Variants in KCNU1 observed in about 807,000 individuals in gnomAD.
KCNU1 encodes potassium calcium-activated channel subfamily U member 1, also known as potassium channel subfamily U member 1.
KCNU1 carries 93 observed loss-of-function variants against 126.8 expected under a neutral mutation model. That is an observed-to-expected ratio of 0.73 (90% CI 0.62 to 0.87). The LOEUF (loss-of-function observed/expected upper bound fraction) is 0.87, where lower values mean the gene tolerates loss of function less well. Ranked by LOEUF, KCNU1 falls within the 40% of genes least tolerant of loss-of-function variation. The pLI, the probability that KCNU1 is intolerant of heterozygous loss-of-function variation, is 0.00. For synonymous variants in KCNU1, 523 were observed against 494.2 expected (o/e 1.06, Z -0.77); for missense variants, 1,330 against 1,367.1 (o/e 0.97, Z 0.43).
intron 16 of KCNU1, among the ~76,000 whole-genome samples, chr8:36,841,772 T>G (rs1804965995): frequency 6.6e-6 from 1 of 152,042 alleles, no homozygotes; most frequent in African/African-American, 2.4e-5. Context: ...GACAAAGGCT[T>G]TTGTTGATAG....
chr8:36,830,245 A>G (rs1319971800), intron 10 of KCNU1, among the ~76,000 whole-genome samples: 6 of 151,586 alleles, frequency 4.0e-5, no homozygotes, highest in African/African-American at 1.2e-4. Flanking sequence ...GAGACATCAA[A>G]TATAACGTTG....
intron 24 of KCNU1, among the ~76,000 whole-genome samples, chr8:36,923,979 T>A (rs72634162): frequency 6.6e-6 from 1 of 152,194 alleles, no homozygotes; most frequent in East Asian, 1.9e-4. Flanking sequence ...GAACTAATAG[T>A]TGACAGGAGG....
At chr8:36,890,488 T>C (rs1806917003) in intron 19 of KCNU1, among the ~76,000 whole-genome samples, 1 of 151,808 alleles carries the variant, frequency 6.6e-6, no homozygotes, top group South Asian at 2.1e-4. Flanking sequence ...TGAGGTCAAC[T>C]CCTAATTTAA....
intron 2 of KCNU1, among the ~76,000 whole-genome samples, chr8:36,802,886 G>A (rs1585390909): frequency 6.6e-6 from 1 of 152,196 alleles, no homozygotes; most frequent in Non-Finnish European, 1.5e-5. Context: ...CTGATGAACA[G>A]AAGAGTACTT....
rs756308750 is a variant in KCNU1, at chr8:36,841,034, GTTTTTTTTTTT to G, written c.1703+43_1703+53del. ...AATAAGTCTGCTCATCTCTTCAGTT[GTTTTTTTTTTT>G]TTTTTTTTTTTCCTGGAGATTCTTT... On this transcript the variant is annotated intron_variant, in intron 16 of 26. Coordinates refer to ENST00000399881, the MANE Select transcript of KCNU1 (RefSeq NM_001031836.3). 133 of 564,672 alleles carry G rather than the reference GTTTTTTTTTTT, an allele frequency of 2.4e-4. 1 individual carries two copies. In the East Asian group the frequency reaches 4.6e-3, roughly 20 times the overall value. 35.0% of individuals were successfully genotyped at this position (564,672 alleles called of 1,614,324 possible).
At chr8:36,888,288 A>G (rs1001870017) in intron 19 of KCNU1, among the ~76,000 whole-genome samples, 1 of 152,188 alleles carries the variant, frequency 6.6e-6, no homozygotes, top group Non-Finnish European at 1.5e-5. Flanking sequence ...AGGAAATACT[A>G]GAAATCAAAA....
intron 2 of KCNU1, among the ~76,000 whole-genome samples, chr8:36,793,267 T>G (rs1291575985): frequency 6.6e-6 from 1 of 151,702 alleles, no homozygotes; most frequent in Non-Finnish European, 1.5e-5. Context: ...GATGAGTTAA[T>G]GGGTACCACA....
rs749603721 is a variant in KCNU1 at position 36,805,303 on chromosome 8, G to T, written c.468+18G>T. On this transcript the variant is annotated intron_variant, in intron 4 of 26. Coordinates refer to ENST00000399881, the MANE Select transcript of KCNU1 (RefSeq NM_001031836.3). ...GATTGAGGGTAAGTACCTATTGAAA[G>T]TGGGAGTGAATATCCAAACACCACA... The T allele has an allele frequency of 8.9e-6, 13 of 1,459,054 alleles. No homozygotes were observed. The highest frequency in any genetic ancestry group is 1.0e-5 in the Non-Finnish European group (11 of 1,051,142). 90.4% of individuals were successfully genotyped at this position (1,459,054 alleles called of 1,614,324 possible). A position where few individuals can be genotyped will look rare whatever the true frequency, so the allele number is the denominator to read the frequency against.
chr8:36,804,468 G>A (rs1803426888), intron 3 of KCNU1, among the ~76,000 whole-genome samples: 1 of 152,126 alleles, frequency 6.6e-6, no homozygotes. Flanking sequence ...GTAGTTTCAG[G>A]GTTTCTCATA....
chr8:36,919,318 G>A (rs1394195996), intron 23 of KCNU1, among the ~76,000 whole-genome samples: 1 of 151,426 alleles, frequency 6.6e-6, no homozygotes, highest in African/African-American at 2.4e-5. Flanking sequence ...AGGCATGTGG[G>A]GTACAGACTT....
intron 18 of KCNU1, among the ~76,000 whole-genome samples, chr8:36,848,254 G>A (rs12334519): frequency 0.04 from 6,090 of 152,184 alleles, 238 homozygotes; most frequent in African/African-American, 0.099. Flanking sequence ...TGTCTCTTCC[G>A]TCTGTTGATT....
Position 36,935,511 on chromosome 8 carries a change from A to C in KCNU1, c.3045-4A>C. On this transcript the variant is annotated splice_polypyrimidine_tract_variant and splice_region_variant and intron_variant, in intron 26 of 26. Transcript: ENST00000399881. Reference sequence around the variant, plus strand: ...TCAGCATTTATCTTTGACTTGTCTTACAGGTTTGTGATCACCCGGCCAGCC... The same window carrying C: ...TCAGCATTTATCTTTGACTTGTCTTCCAGGTTTGTGATCACCCGGCCAGCC... The C allele has an allele frequency of 6.3e-7, 1 of 1,582,916 alleles. No individual in the cohort carries two copies.
At chr8:36,805,995 A>G (rs2130419463) in intron 4 of KCNU1, among the ~76,000 whole-genome samples, 1 of 152,238 alleles carries the variant, frequency 6.6e-6, no homozygotes, top group South Asian at 2.1e-4. Context: ...AGGCAGCTGC[A>G]ACCACGTGCA....
intron 22 of KCNU1, among the ~76,000 whole-genome samples, chr8:36,915,158 C>T (rs1450270344): frequency 6.6e-6 from 1 of 152,162 alleles, no homozygotes; most frequent in Non-Finnish European, 1.5e-5. Flanking sequence ...TAGCAAAGAA[C>T]TGGAATCAGA....
At chr8:36,790,721 C>T (rs1351131334) in intron 2 of KCNU1, among the ~76,000 whole-genome samples, 1 of 151,856 alleles carries the variant, frequency 6.6e-6, no homozygotes, top group Non-Finnish European at 1.5e-5. Context: ...TTTGCCCCTT[C>T]GATGAGAGAC....
intron 10 of KCNU1, among the ~76,000 whole-genome samples, chr8:36,830,086 C>T (rs1220861318): frequency 6.8e-6 from 1 of 148,092 alleles, no homozygotes; most frequent in African/African-American, 2.5e-5. Context: ...TTTATTTTAT[C>T]TTTGTAATAA....
intron 2 of KCNU1, among the ~76,000 whole-genome samples, chr8:36,791,642 A>G (rs1183175325): frequency 2.0e-5 from 3 of 152,190 alleles, no homozygotes; most frequent in Non-Finnish European, 1.5e-5. Flanking sequence ...GCACAAATAA[A>G]GCATCATAAT....
At chr8:36,844,694 A>G (rs1415185331) in intron 16 of KCNU1, among the ~76,000 whole-genome samples, 1 of 152,222 alleles carries the variant, frequency 6.6e-6, no homozygotes, top group Non-Finnish European at 1.5e-5. Flanking sequence ...GTATCCCAGC[A>G]ACAGAATAAG....
At chr8:36,794,961 C>G (rs551521977) in intron 2 of KCNU1, among the ~76,000 whole-genome samples, 3 of 151,818 alleles carry the variant, frequency 2.0e-5, no homozygotes, top group Non-Finnish European at 4.4e-5. Context: ...AAAACAAAAA[C>G]ATAAGAAATG....
Sources: allele counts gnomAD v4.1 joint callset (sites outside exome capture counted in the v4.1 genomes callset), GRCh38; gene constraint gnomAD v4.1.1; transcripts MANE v1.5; gene names NCBI Gene and HGNC (gene_info 2026-07-23, HGNC 2026-07-21).